Variants in HRG observed in about 807,000 individuals in gnomAD.
HRG encodes the protein histidine-rich glycoprotein.
HRG carries 26 observed loss-of-function variants against 29.5 expected under a neutral mutation model. That is an observed-to-expected ratio of 0.88 (90% CI 0.65 to 1.22). The LOEUF (loss-of-function observed/expected upper bound fraction) is 1.22. Ranked by LOEUF, HRG falls within the 50% of genes most tolerant of loss-of-function variation. HRG has a pLI of 0.00. For missense variants in HRG, 671 were observed against 654.5 expected (o/e 1.03, Z -0.28); for synonymous variants, 243 against 240.4 (o/e 1.01, Z -0.10).
At position 186,677,158 on chromosome 3, in the gene HRG, GATC is replaced by G. The variant is rs112594124; in HGVS notation, c.863_865del (p.His288del). ...TCCATTCAAGCCCCATGGATCTAGA[GATC>G]ATCATCATCCCCACAAGCCACACGA... On this transcript the variant is annotated inframe_deletion, in exon 7 of 7. Transcript: ENST00000232003. 5,035 of 1,613,910 alleles carry G rather than the reference GATC, an allele frequency of 3.1e-3. 132 individuals carry two copies. In the African/African-American group the frequency reaches 0.059, roughly 19 times the overall value.
At chr3:186,672,091 C>T (rs913659900) in intron 4 of HRG, among the ~76,000 whole-genome samples, 2 of 151,872 alleles carry the variant, frequency 1.3e-5, no homozygotes, top group African/African-American at 2.4e-5. Context: ...CATTGCAAAT[C>T]ATCCAATACT....
chr3:186,675,718 G>A (rs953967532), intron 6 of HRG, among the ~76,000 whole-genome samples: 7 of 151,816 alleles, frequency 4.6e-5, no homozygotes, highest in African/African-American at 4.8e-5. Context: ...GAAATCTTTG[G>A]TCTATTTTTT....
In HRG at chr3:186,668,918, C is replaced by A; in HGVS notation, c.184-17C>A. On this transcript the variant is annotated splice_polypyrimidine_tract_variant and intron_variant, in intron 1 of 6. Transcript: ENST00000232003. ...GTTTCCATGTGCTACTCACATGTTGCTTTTGGCATTCCTCAGGAAAATACA... is the reference window on the plus strand; with the variant it reads ...GTTTCCATGTGCTACTCACATGTTGATTTTGGCATTCCTCAGGAAAATACA... 1 of 1,403,744 alleles carries A rather than the reference C, an allele frequency of 7.1e-7. No homozygotes were observed. Among genetic ancestry groups the A allele is most frequent in the Non-Finnish European group, 1.0e-6 (1 of 988,308 alleles). 87.0% of individuals were successfully genotyped at this position (1,403,744 alleles called of 1,614,324 possible). A position where few individuals can be genotyped will look rare whatever the true frequency, so the allele number is the denominator to read the frequency against.
chr3:186,677,513 GA>G lies in HRG; in HGVS notation c.1209del (p.His404ThrfsTer35). On this transcript the variant is annotated frameshift_variant, in exon 7 of 7. Coordinates refer to ENST00000232003, the MANE Select transcript of HRG (RefSeq NM_000412.5). LOFTEE classifies it low-confidence loss of function (END_TRUNC). ...CACCCCCATGGACACCATCCCCATGGACACCATCCCCACTGCCATGATTTCC... is the reference window on the plus strand; with the variant it reads ...CACCCCCATGGACACCATCCCCATGGCACCATCCCCACTGCCATGATTTCC... Reference protein sequence around the residue: ...GHHPHGHHPHGHHPHCHDFQD... With the variant: ...GHHPHGHHPHXHHPHCHDFQD... 1 of 1,607,472 alleles carries G rather than the reference GA, an allele frequency of 6.2e-7. No homozygotes were observed. The highest frequency in any genetic ancestry group is 8.5e-7 in the Non-Finnish European group (1 of 1,176,234).
At chr3:186,668,675 A>G in intron 1 of HRG, 1 of 455,824 alleles carries the variant, frequency 2.2e-6, no homozygotes, top group Non-Finnish European at 4.0e-6. Context: ...CCTCCGCTAA[A>G]CCACCACTGC....
chr3:186,675,308 TGA>T (rs71164598), intron 6 of HRG, 118 bp downstream of exon 6: 8 of 451,806 alleles, frequency 1.8e-5, no homozygotes, highest in African/African-American at 1.1e-4. Context: ...TGTGTGTGTG[TGA>T]GAGAGAGAGA....
At chr3:186,671,813 T>C in intron 4 of HRG, 24 bp downstream of exon 4, 1 of 1,611,856 alleles carries the variant, frequency 6.2e-7, no homozygotes, top group Non-Finnish European at 8.5e-7. Flanking sequence ...AAGGTTCGGT[T>C]GGAGTCTGAA....
chr3:186,673,485 G>A (rs59123177), intron 5 of HRG: 72,176 of 163,888 alleles, frequency 0.44, 17,402 homozygotes, highest in African/African-American at 0.63. Flanking sequence ...GCAGATAGGG[G>A]AACTGAGGCA....
At chr3:186,671,500 T>G in intron 3 of HRG, 123 bp from the exon 4 acceptor site, 1 of 966,006 alleles carries the variant, frequency 1.0e-6, no homozygotes, top group Non-Finnish European at 1.7e-6. Context: ...TTGAAGCAGT[T>G]ACTCAGCTCT....
At position 186,670,015 on chromosome 3, in the gene HRG, C is replaced by T. The variant is rs968498051; in HGVS notation, c.378C>T (p.Cys126=). Residue 126 remains cysteine, a synonymous_variant, in exon 3 of 7, where the codon TGC becomes TGT. Coordinates refer to ENST00000232003, the MANE Select transcript of HRG (RefSeq NM_000412.5). ...SQDLRVIDFN[C]TTSSVSSALA... ...ACCTCAGAGTGATTGACTTTAACTG[C>T]ACCACAAGTTCTGGTATGGTAATCT... The T allele has an allele frequency of 2.6e-6, 4 of 1,546,446 alleles. No individual in the cohort carries two copies. Among genetic ancestry groups the T allele is most frequent in the Admixed American group, 3.3e-5 (2 of 59,908 alleles).
intron 1 of HRG, 85 bp downstream of exon 1, chr3:186,666,299 C>A: frequency 7.3e-7 from 1 of 1,377,774 alleles, no homozygotes; most frequent in Non-Finnish European, 1.0e-6. Flanking sequence ...TACTGCTTTG[C>A]ACAATGAATG....
rs1718736426 is a variant in HRG, at chr3:186,669,985, T to C, written c.348T>C (p.Ser116=). 17 of 1,600,946 alleles carry C rather than the reference T, an allele frequency of 1.1e-5. No homozygotes were observed. The highest frequency in any genetic ancestry group is 1.5e-5 in the Non-Finnish European group (17 of 1,169,762). ...KVIATRHSHE[S]QDLRVIDFNC... ...TAGCTACAAGACATTCCCATGAATCTCAGGACCTCAGAGTGATTGACTTTA... is the reference window on the plus strand; with the variant it reads ...TAGCTACAAGACATTCCCATGAATCCCAGGACCTCAGAGTGATTGACTTTA... Residue 116 remains serine, a synonymous_variant, in exon 3 of 7, where the codon TCT becomes TCC. Transcript: ENST00000232003.
At chr3:186,671,156 C>T (rs1718775510) in intron 3 of HRG, among the ~76,000 whole-genome samples, 1 of 149,938 alleles carries the variant, frequency 6.7e-6, no homozygotes, top group African/African-American at 2.4e-5. Flanking sequence ...GAGTTTGAGA[C>T]TAGCCTGGGC....
intron 2 of HRG, 47 bp from the exon 3 acceptor site, chr3:186,669,891 G>A (rs375554577): frequency 1.1e-6 from 1 of 911,696 alleles, no homozygotes; most frequent in Non-Finnish European, 1.9e-6. Context: ...CCTGAGGAAG[G>A]CAGGATGCAA....
intron 3 of HRG, 120 bp from the exon 4 acceptor site, chr3:186,671,503 T>C: frequency 9.9e-7 from 1 of 1,014,094 alleles, no homozygotes; most frequent in Non-Finnish European, 1.6e-6. Flanking sequence ...AAGCAGTTAC[T>C]CAGCTCTTCC....
intron 3 of HRG, 55 bp from the exon 4 acceptor site, chr3:186,671,568 G>A: frequency 1.3e-6 from 2 of 1,554,646 alleles, no homozygotes; most frequent in South Asian, 1.1e-5. Context: ...TTGCCACCAA[G>A]CCACCATTAA....
Position 186,671,689 on chromosome 3 carries a change from G to A in HRG, c.458G>A (p.Arg153His), listed in dbSNP as rs749884290. ...VLIDFFEDTE[R>H]YRKQANKALE... Reference sequence around the variant, plus strand: ...ATAGATTTCTTTGAGGATACTGAGCGCTACAGAAAACAAGCCAACAAAGCC... The same window carrying A: ...ATAGATTTCTTTGAGGATACTGAGCACTACAGAAAACAAGCCAACAAAGCC... Residue 153 changes from arginine to histidine, a missense_variant, in exon 4 of 7, where the codon CGC becomes CAC. Coordinates refer to ENST00000232003, the MANE Select transcript of HRG (RefSeq NM_000412.5). The A allele has an allele frequency of 3.0e-5, 49 of 1,613,794 alleles. No homozygotes were observed. The highest frequency in any genetic ancestry group is 5.5e-5 in the South Asian group (5 of 91,068).
At position 186,666,186 on chromosome 3, in the gene HRG, G is replaced by A. The variant is rs115116898; in HGVS notation, c.155G>A (p.Arg52Gln). Residue 52 changes from arginine (R) to glutamine (Q), a missense_variant, in exon 1 of 7, where the codon CGG (arginine) becomes CAG (glutamine). Coordinates refer to ENST00000232003, the MANE Select transcript of HRG (RefSeq NM_000412.5). Reference sequence around the variant, plus strand: ...GATGGCTACCTTTTCCAATTGCTGCGGATTGCTGATGCCCACTTGGACAGA... The same window carrying A: ...GATGGCTACCTTTTCCAATTGCTGCAGATTGCTGATGCCCACTTGGACAGA... Reference protein sequence around the residue: ...RRDGYLFQLLRIADAHLDRVE... With the variant: ...RRDGYLFQLLQIADAHLDRVE... 907 of 1,613,998 alleles carry A rather than the reference G, an allele frequency of 5.6e-4. 5 individuals are homozygous for A. Among genetic ancestry groups the A allele is most frequent in the African/African-American group, 1.6e-3 (118 of 75,036 alleles).
rs6808232 is a variant in HRG at position 186,670,119 on chromosome 3, T to G, written c.391+91T>G. Reference sequence around the variant, plus strand: ...TTGTCTCATCTATGTACATATGTATTCATATATATTCAGATGTATTCATGT... The same window carrying G: ...TTGTCTCATCTATGTACATATGTATGCATATATATTCAGATGTATTCATGT... On this transcript the variant is annotated intron_variant, in intron 3 of 6. Transcript: ENST00000232003. 1.9e-3 allele frequency: 1,497 copies of G among 771,082 alleles called. 17 individuals are homozygous for G. The African/African-American group carries it at 0.022, about 11-fold the overall frequency. 47.8% of individuals were successfully genotyped at this position (771,082 alleles called of 1,614,324 possible).
Sources: allele counts gnomAD v4.1 joint callset (sites outside exome capture counted in the v4.1 genomes callset), GRCh38; gene constraint gnomAD v4.1.1; transcripts MANE v1.5; gene names NCBI Gene and HGNC (gene_info 2026-07-23, HGNC 2026-07-21).